CSNK1D: variants seen among roughly 807,000 people sequenced by gnomAD.
CSNK1D encodes casein kinase 1 delta.
CSNK1D carries 16 observed loss-of-function variants against 46.6 expected under a neutral mutation model. That is an observed-to-expected ratio of 0.34 (90% confidence interval 0.23 to 0.52). The LOEUF is 0.52. Ranked by LOEUF, CSNK1D falls within the 20% of genes least tolerant of loss-of-function variation. The pLI is 0.95. For synonymous variants in CSNK1D, 276 were observed against 228.2 expected, an observed-to-expected ratio of 1.21 and a Z score of -1.89; for missense variants, 398 against 578.4, an observed-to-expected ratio of 0.69 and a Z score of 3.20.
At position 82,242,784 on chromosome 17, in the gene CSNK1D, C is replaced by T. The variant is rs1023852242; in HGVS notation, c.*1997G>A. ...GTCAGTGCACAGCTGACACGACGTC[C>T]TACCTACGTCTCCTGCACGGGGCGA... On this transcript the variant is annotated 3_prime_UTR_variant, in exon 9 of 9. Coordinates refer to ENST00000314028, the MANE Select transcript of CSNK1D (RefSeq NM_001893.6). The T allele has an allele frequency of 1.0e-6, 1 of 985,236 alleles. No homozygotes were observed. Among genetic ancestry groups the T allele is most frequent in the Non-Finnish European group, 1.2e-6 (1 of 829,734 alleles). 61.0% of individuals were successfully genotyped at this position (985,236 alleles called of 1,614,324 possible). A position where few individuals can be genotyped will look rare whatever the true frequency, so the allele number is the denominator to read the frequency against.
Position 82,265,879 on chromosome 17 carries a change from T to C in CSNK1D, c.77-83A>G, listed in dbSNP as rs1183965801. On this transcript the variant is annotated intron_variant, in intron 1 of 8. Transcript: ENST00000314028. ...CATGCTGGAGAAACAACAAGCACTA[T>C]GTGTTTTCCATGAAGGACCAAGTGA... 1.1e-5 allele frequency: 13 copies of C among 1,167,286 alleles called. No homozygotes were observed. The Middle Eastern group carries it at 5.8e-4, about 52-fold the overall frequency. 72.3% of individuals were successfully genotyped at this position (1,167,286 alleles called of 1,614,324 possible).
rs1267186506 is a variant in CSNK1D at position 82,252,611 on chromosome 17, AG to A, written c.566-8del. The A allele has an allele frequency of 1.9e-6, 3 of 1,613,316 alleles. No homozygotes were observed. Among genetic ancestry groups the A allele is most frequent in the Non-Finnish European group, 2.5e-6 (3 of 1,179,918 alleles). On this transcript the variant is annotated splice_region_variant and splice_polypyrimidine_tract_variant and intron_variant, in intron 4 of 8. Coordinates refer to ENST00000314028, the MANE Select transcript of CSNK1D (RefSeq NM_001893.6). This position sits in a 1 kb window ranked among gnomAD's most constrained non-coding sequence, Gnocchi z 4.6. ...TCATCTCTTCGGGATTGTTCTGAAAAGAAAAGGGAAAGGCGTGAAGAACGGC... is the reference window on the plus strand; with the variant it reads ...TCATCTCTTCGGGATTGTTCTGAAAAAAAAGGGAAAGGCGTGAAGAACGGC...
chr17:82,244,465 A>G lies in CSNK1D; in HGVS notation c.*316T>C. On this transcript the variant is annotated 3_prime_UTR_variant, in exon 9 of 9. Transcript: ENST00000314028. ...TTACAGTGGAATCGTCAGGGAGTAC[A>G]GGGCGGCCACCACTGGAGGGAGCTG... 7.4e-7 allele frequency: 1 copy of G among 1,356,060 alleles called. No homozygotes were observed. The highest frequency in any genetic ancestry group is 9.5e-7 in the Non-Finnish European group (1 of 1,049,190). The allele number at this position is 1,356,060 out of a possible 1,614,324, so 84.0% of individuals were successfully genotyped here. A position where few individuals can be genotyped will look rare whatever the true frequency, so the allele number is the denominator to read the frequency against.
In CSNK1D at chr17:82,247,303, TACAACAGCC is replaced by T. The variant is rs2050875319; in HGVS notation, c.1197+1563_1197+1571del. 4.1e-6 allele frequency: 4 copies of T among 985,166 alleles called. No individual in the cohort carries two copies. The African/African-American group carries it at 7.0e-5, about 17-fold the overall frequency. The allele number at this position is 985,166 out of a possible 1,614,324, so 61.0% of individuals were successfully genotyped here. A position where few individuals can be genotyped will look rare whatever the true frequency, so the allele number is the denominator to read the frequency against. The stretch of plus-strand genomic sequence containing the variant: ...CACGGCCACCTTGGGGGCTGGTGGC[TACAACAGCC>T]ACACCCAGGTGCCGCCAAGGCCGTG... On this transcript the variant is annotated intron_variant, in intron 8 of 8. Coordinates refer to ENST00000314028, the MANE Select transcript of CSNK1D (RefSeq NM_001893.6).
intron 2 of CSNK1D, 26 bp downstream of exon 2, chr17:82,265,660 T>C (rs201266712): frequency 6.5e-7 from 1 of 1,535,608 alleles, no homozygotes; most frequent in African/African-American, 1.4e-5. Flanking sequence ...AACCCTGGTG[T>C]TGCTCTGTGA....
intron 2 of CSNK1D, among the ~76,000 whole-genome samples, chr17:82,263,175 G>A (rs979949584): frequency 6.6e-6 from 1 of 152,048 alleles, no homozygotes. Flanking sequence ...GTGAGACTCT[G>A]TCTCCAAACA....
In CSNK1D at chr17:82,244,663, A is replaced by G; in HGVS notation, c.*118T>C. On this transcript the variant is annotated 3_prime_UTR_variant, in exon 9 of 9. Transcript: ENST00000314028. ...GAGCGTCGCTGGGTGAGTGGCCTGG[A>G]GAGCTCCCGGTGTTAACATTTCGAT... The G allele has an allele frequency of 6.4e-7, 1 of 1,572,708 alleles. No homozygotes were observed. Among genetic ancestry groups the G allele is most frequent in the Non-Finnish European group, 8.6e-7 (1 of 1,164,454 alleles).
chr17:82,241,792 G>A (rs2050744929), downstream of CSNK1D, among the ~76,000 whole-genome samples: 2 of 152,368 alleles, frequency 1.3e-5, no homozygotes, highest in Admixed American at 6.5e-5. Context: ...GGCCTGGGAG[G>A]AGGCAAAGTC....
At chr17:82,256,140 T>G (rs1160948026) in intron 2 of CSNK1D, among the ~76,000 whole-genome samples, 1 of 152,038 alleles carries the variant, frequency 6.6e-6, no homozygotes, top group Non-Finnish European at 1.5e-5. Context: ...GAAGTGAAAA[T>G]AAAGACACAA....
intron 3 of CSNK1D, chr17:82,254,293 C>T (rs561962000): frequency 1.1e-5 from 3 of 279,740 alleles, no homozygotes; most frequent in South Asian, 2.7e-5. Context: ...TGCGCTGAGC[C>T]GCCGGAGCCT....
Position 82,251,046 on chromosome 17 carries a change from G to T in CSNK1D, c.885+333C>A. On this transcript the variant is annotated intron_variant, in intron 6 of 8. Coordinates refer to ENST00000314028, the MANE Select transcript of CSNK1D (RefSeq NM_001893.6). This position sits in a 1 kb window ranked among gnomAD's most constrained non-coding sequence, Gnocchi z 4.5. ...CACGACCATGTGGCACAGCGAATGG[G>T]AATGCGCACCCCCAGCCCCCACCCT... is the stretch of plus-strand genomic sequence containing the variant. The T allele has an allele frequency of 2.6e-6, 1 of 381,076 alleles. No individual in the cohort carries two copies. The highest frequency in any genetic ancestry group is 5.0e-6 in the Non-Finnish European group (1 of 199,970). The allele number at this position is 381,076 out of a possible 1,614,324, so 23.6% of individuals were successfully genotyped here. A position where few individuals can be genotyped will look rare whatever the true frequency, so the allele number is the denominator to read the frequency against.
At chr17:82,245,084 T>A (rs2147150522) in intron 8 of CSNK1D, 2 of 607,696 alleles carry the variant, frequency 3.3e-6, no homozygotes, top group East Asian at 5.5e-5. Flanking sequence ...CTCGGCAGGG[T>A]CGAAGGATCC....
chr17:82,251,643 G>GTTTTGCATCTGTC lies in CSNK1D; in HGVS notation c.737-117_737-116insGACAGATGCAAAA. The GTTTTGCATCTGTC allele has an allele frequency of 9.8e-7, 1 of 1,017,258 alleles. No homozygotes were observed. The highest frequency in any genetic ancestry group is 1.5e-6 in the Non-Finnish European group (1 of 658,728). 63.0% of individuals were successfully genotyped at this position (1,017,258 alleles called of 1,614,324 possible). ...CACACTCAAGGGGAGAAGGACAGATGCAAAACACCTGTCAGATTTCTAAGA... is the reference window on the plus strand; with the variant it reads ...CACACTCAAGGGGAGAAGGACAGATGTTTTGCATCTGTCCAAAACACCTGTCAGATTTCTAAGA... On this transcript the variant is annotated intron_variant, in intron 5 of 8. Transcript: ENST00000314028. This position sits in a 1 kb window ranked among gnomAD's most constrained non-coding sequence, Gnocchi z 4.5.
Position 82,248,975 on chromosome 17 carries a change from T to G in CSNK1D, c.1097A>C (p.Glu366Ala). The change falls in exon 8 of 9, where the codon GAG becomes GCG. Residue 366 changes from glutamate to alanine, a missense_variant. Physicochemically the swap from Glu to Ala is moderately radical, Grantham distance 107. This residue lies in a region of CSNK1D where 181 missense variants were observed against 208.0 expected (regional missense o/e 0.87). Coordinates refer to ENST00000314028, the MANE Select transcript of CSNK1D (RefSeq NM_001893.6). The surrounding 1 kb of genome is among the most constrained non-coding windows in gnomAD (Gnocchi z 4.1). ...SPRPVSGMER[E>A]RKVSMRLHRG... ...GTGCAGCCGCATACTCACTTTCCGCTCTCTCTCCATGCCGGAGACGGGCCG... is the reference window on the plus strand; with the variant it reads ...GTGCAGCCGCATACTCACTTTCCGCGCTCTCTCCATGCCGGAGACGGGCCG... 3 of 1,581,304 alleles carry G rather than the reference T, an allele frequency of 1.9e-6. No individual in the cohort carries two copies. The highest frequency in any genetic ancestry group is 2.6e-6 in the Non-Finnish European group (3 of 1,162,476).
chr17:82,269,903 G>C (rs1423391303), intron 1 of CSNK1D, among the ~76,000 whole-genome samples: 2 of 152,254 alleles, frequency 1.3e-5, no homozygotes, highest in Non-Finnish European at 2.9e-5. Context: ...GTTTTCAAAT[G>C]TTACCAAGTT....
downstream of CSNK1D, chr17:82,239,973 C>T (rs1228121984): frequency 9.7e-6 from 12 of 1,233,142 alleles, no homozygotes; most frequent in African/African-American, 1.6e-5. Context: ...GCCGCCGGGG[C>T]CCTCAGTAGG....
chr17:82,257,962 C>A (rs529876693), intron 2 of CSNK1D, among the ~76,000 whole-genome samples: 1 of 152,034 alleles, frequency 6.6e-6, no homozygotes, highest in Non-Finnish European at 1.5e-5. Flanking sequence ...AATTCCAGCA[C>A]GTTGGAGGTG....
Position 82,243,972 on chromosome 17 carries a change from G to A in CSNK1D, c.*809C>T, listed in dbSNP as rs576114968. On this transcript the variant is annotated 3_prime_UTR_variant, in exon 9 of 9. Coordinates refer to ENST00000314028, the MANE Select transcript of CSNK1D (RefSeq NM_001893.6). ...TGCCCACCTCCTGGGGAAGAAGCGC[G>A]CAGTGCTTTGCCTGGTAACACCCAC... 474 of 985,908 alleles carry A rather than the reference G, an allele frequency of 4.8e-4. 2 individuals are homozygous for A. The African/African-American group carries it at 7.3e-3, about 15-fold the overall frequency. The allele number at this position is 985,908 out of a possible 1,614,324, so 61.1% of individuals were successfully genotyped here. A position where few individuals can be genotyped will look rare whatever the true frequency, so the allele number is the denominator to read the frequency against.
At position 82,244,373 on chromosome 17, in the gene CSNK1D, C is replaced by G; in HGVS notation, c.*408G>C. 1 of 1,112,744 alleles carries G rather than the reference C, an allele frequency of 9.0e-7. No homozygotes were observed. Among genetic ancestry groups the G allele is most frequent in the Non-Finnish European group, 1.1e-6 (1 of 903,866 alleles). The allele number at this position is 1,112,744 out of a possible 1,614,324, so 68.9% of individuals were successfully genotyped here. On this transcript the variant is annotated 3_prime_UTR_variant, in exon 9 of 9. Transcript: ENST00000314028. ...AATAAAAAGACAGATTTTCTTTACA[C>G]AGATTTAAGCCAATAATTTTTAGCA...
Sources: allele counts gnomAD v4.1 joint callset (sites outside exome capture counted in the v4.1 genomes callset), GRCh38; gene constraint gnomAD v4.1.1; regional missense constraint gnomAD v4.1.1; non-coding constraint Gnocchi (gnomAD v3.1); transcripts MANE v1.5; gene names NCBI Gene and HGNC (gene_info 2026-07-23, HGNC 2026-07-21).